The following TPMT variants were observed in gnomAD, a reference collection of about 807,000 sequenced individuals.
TPMT encodes the protein thiopurine S-methyltransferase, also known as S-adenosyl-L-methionine:thiopurine S-methyltransferase.
In TPMT, 18 loss-of-function variants were observed where a neutral mutation model predicts 34.2. That is an observed-to-expected ratio of 0.53 (90% confidence interval 0.36 to 0.78). TPMT has a LOEUF of 0.78. Ranked by LOEUF, TPMT falls within the 30% of genes least tolerant of loss-of-function variation. The pLI is 0.00. For missense variants in TPMT, 265 were observed against 288.1 expected, an observed-to-expected ratio of 0.92 and a Z score of 0.58; for synonymous variants, 69 against 92.4, an observed-to-expected ratio of 0.75 and a Z score of 1.45.
Position 18,139,178 on chromosome 6 carries a change from T to G in TPMT, c.420-141A>C. 2 of 794,376 alleles carry G rather than the reference T, an allele frequency of 2.5e-6. No homozygotes were observed. Among genetic ancestry groups the G allele is most frequent in the East Asian group, 2.5e-5 (1 of 39,350 alleles). 49.2% of individuals were successfully genotyped at this position (794,376 alleles called of 1,614,324 possible). A position where few individuals can be genotyped will look rare whatever the true frequency, so the allele number is the denominator to read the frequency against. ...ACGTCTGCGTTTCCTCCTAGAGGAA[T>G]GTGTGGACCTGGGTGTGGAGAGCTG... On this transcript the variant is annotated intron_variant, in intron 5 of 8. Transcript: ENST00000309983. The surrounding 1 kb of genome is among the most constrained non-coding windows in gnomAD (Gnocchi z 4.2).
Position 18,139,741 on chromosome 6 carries a change from A to G in TPMT, c.367-24T>C. On this transcript the variant is annotated intron_variant, in intron 4 of 8. Transcript: ENST00000309983. This position sits in a 1 kb window ranked among gnomAD's most constrained non-coding sequence, Gnocchi z 4.2. ...CTCTGTAATGAAATAATGAAAAAAA[A>G]ATTTTTTTTTTTTACTTAGTAAGTA... 7.1e-7 allele frequency: 1 copy of G among 1,408,418 alleles called. No individual in the cohort carries two copies. The highest frequency in any genetic ancestry group is 1.3e-5 in the South Asian group (1 of 79,168). The allele number at this position is 1,408,418 out of a possible 1,614,324, so 87.2% of individuals were successfully genotyped here. A position where few individuals can be genotyped will look rare whatever the true frequency, so the allele number is the denominator to read the frequency against.
In TPMT at chr6:18,132,008, C is replaced by T. The variant is rs1783954861; in HGVS notation, c.625+125G>A. ...GCCAGGCTGGTCTCGAACTCCTGGCCTCAGGTGATCTGCCCACCTTGGCCT... is the reference window on the plus strand; with the variant it reads ...GCCAGGCTGGTCTCGAACTCCTGGCTTCAGGTGATCTGCCCACCTTGGCCT... On this transcript the variant is annotated intron_variant, in intron 8 of 8. Transcript: ENST00000309983. The surrounding 1 kb of genome is among the most constrained non-coding windows in gnomAD (Gnocchi z 4.8). 6.3e-6 allele frequency: 6 copies of T among 956,190 alleles called. No homozygotes were observed. In the African/African-American group the frequency reaches 8.1e-5, roughly 13 times the overall value. 59.2% of individuals were successfully genotyped at this position (956,190 alleles called of 1,614,324 possible).
At chr6:18,133,974 A>G (rs1213979868) in intron 6 of TPMT, 85 bp from the exon 7 acceptor site, 13 of 1,084,522 alleles carry the variant, frequency 1.2e-5, no homozygotes, top group Non-Finnish European at 1.8e-5. Flanking sequence ...GGAAGCCAGA[A>G]GTTACTTTCG....
Position 18,139,685 on chromosome 6 carries a change from G to GC in TPMT, c.398dup (p.Cys133TrpfsTer5), listed in dbSNP as rs1276273082. The GC allele has an allele frequency of 6.2e-7, 1 of 1,613,312 alleles. No individual in the cohort carries two copies. The highest frequency in any genetic ancestry group is 1.7e-5 in the Admixed American group (1 of 59,942). Reference sequence around the variant, plus strand: ...CCTACCTGGGAAGATCAAAAATACTGCAACAGTACAATGAAATGTTCCCCG... The same window carrying GC: ...CCTACCTGGGAAGATCAAAAATACTGCCAACAGTACAATGAAATGTTCCCCG... On this transcript the variant is annotated frameshift_variant, in exon 5 of 9. Transcript: ENST00000309983. LOFTEE classifies it high-confidence loss of function. This position sits in a 1 kb window ranked among gnomAD's most constrained non-coding sequence, Gnocchi z 4.2.
chr6:18,139,737 A>C lies in TPMT; in HGVS notation c.367-20T>G. ...AGAACTCTGTAATGAAATAATGAAA[A>C]AAAAATTTTTTTTTTTTACTTAGTA... is the stretch of plus-strand genomic sequence containing the variant. On this transcript the variant is annotated intron_variant, in intron 4 of 8. Transcript: ENST00000309983. The surrounding 1 kb of genome is among the most constrained non-coding windows in gnomAD (Gnocchi z 4.2). The C allele has an allele frequency of 1.3e-6, 2 of 1,599,090 alleles. No homozygotes were observed. The highest frequency in any genetic ancestry group is 1.7e-5 in the Admixed American group (1 of 59,182).
Position 18,132,285 on chromosome 6 carries a change from CA to C in TPMT, c.581-109del. On this transcript the variant is annotated intron_variant, in intron 7 of 8. Coordinates refer to ENST00000309983, the MANE Select transcript of TPMT (RefSeq NM_000367.5). The surrounding 1 kb of genome is among the most constrained non-coding windows in gnomAD (Gnocchi z 4.8). ...AGGTGATGATGTGGCATGTTCTTCT[CA>C]TTCTTCTTTTGCAAATCTCATACTA... 1 of 1,094,374 alleles carries C rather than the reference CA, an allele frequency of 9.1e-7. No homozygotes were observed. Among genetic ancestry groups the C allele is most frequent in the Non-Finnish European group, 1.4e-6 (1 of 731,318 alleles). The allele number at this position is 1,094,374 out of a possible 1,614,324, so 67.8% of individuals were successfully genotyped here.
intron 6 of TPMT, among the ~76,000 whole-genome samples, chr6:18,137,825 G>A (rs9465104): frequency 0.02 from 3,117 of 152,128 alleles, 105 homozygotes; most frequent in African/African-American, 0.069. Flanking sequence ...CGCTCTTGTC[G>A]TCCAGGCTGG....
At position 18,139,805 on chromosome 6, in the gene TPMT, G is replaced by T. The variant is rs562790146; in HGVS notation, c.367-88C>A. 44 of 818,662 alleles carry T rather than the reference G, an allele frequency of 5.4e-5. 1 individual carries two copies. In the African/African-American group the frequency reaches 6.6e-4, roughly 12 times the overall value. 50.7% of individuals were successfully genotyped at this position (818,662 alleles called of 1,614,324 possible). On this transcript the variant is annotated intron_variant, in intron 4 of 8. Transcript: ENST00000309983. This position sits in a 1 kb window ranked among gnomAD's most constrained non-coding sequence, Gnocchi z 4.2. The stretch of plus-strand genomic sequence containing the variant: ...GGAAAGAGGGCCAAGCAAAGCAAAA[G>T]TTCTAGGGAAAGAATGTGTTAATTA...
chr6:18,134,785 T>C (rs1784012864), intron 6 of TPMT, among the ~76,000 whole-genome samples: 1 of 152,130 alleles, frequency 6.6e-6, no homozygotes. Flanking sequence ...TGAAGGCAAG[T>C]CAGCTATGTG....
Position 18,139,597 on chromosome 6 carries a change from A to T in TPMT, c.419+68T>A. The T allele has an allele frequency of 7.8e-7, 1 of 1,276,922 alleles. No homozygotes were observed. The highest frequency in any genetic ancestry group is 1.1e-6 in the Non-Finnish European group (1 of 875,742). The allele number at this position is 1,276,922 out of a possible 1,614,324, so 79.1% of individuals were successfully genotyped here. ...GGAAGAGAGTGAGGAAGACACCTCCACTCCCATGCCTGCACTGCCTGGCAA... is the reference window on the plus strand; with the variant it reads ...GGAAGAGAGTGAGGAAGACACCTCCTCTCCCATGCCTGCACTGCCTGGCAA... On this transcript the variant is annotated intron_variant, in intron 5 of 8. Coordinates refer to ENST00000309983, the MANE Select transcript of TPMT (RefSeq NM_000367.5). The surrounding 1 kb of genome is among the most constrained non-coding windows in gnomAD (Gnocchi z 4.2).
Position 18,143,707 on chromosome 6 carries a change from A to T in TPMT, c.255T>A (p.Ser85Arg). ...EMKWFADRGHSVVGVEISELG... is the reference protein window; with the variant it reads ...EMKWFADRGHRVVGVEISELG... Reference sequence around the variant, plus strand: ...GTTCACTGATTTCCACACCAACTACACTGTGTCCCCGGTCTGCAAACCTGC... The same window carrying T: ...GTTCACTGATTTCCACACCAACTACTCTGTGTCCCCGGTCTGCAAACCTGC... Residue 85 changes from serine to arginine, a missense_variant, in exon 4 of 9, where the codon AGT becomes AGA. Ser to Arg is a moderately radical substitution (Grantham distance 110, BLOSUM62 -1). Transcript: ENST00000309983. The surrounding 1 kb of genome is among the most constrained non-coding windows in gnomAD (Gnocchi z 6.1). 6.2e-7 allele frequency: 1 copy of T among 1,614,080 alleles called. No individual in the cohort carries two copies. Among genetic ancestry groups the T allele is most frequent in the Non-Finnish European group, 8.5e-7 (1 of 1,180,006 alleles).
At chr6:18,151,934 T>C (rs1276986147) in intron 1 of TPMT, among the ~76,000 whole-genome samples, 1 of 152,206 alleles carries the variant, frequency 6.6e-6, no homozygotes. Context: ...GTTTCCTGTA[T>C]ACTCCCATGC....
At chr6:18,141,159 A>G (rs890939256) in intron 4 of TPMT, among the ~76,000 whole-genome samples, 7 of 152,112 alleles carry the variant, frequency 4.6e-5, no homozygotes, top group Non-Finnish European at 8.8e-5. Flanking sequence ...TATAAGATCC[A>G]GAGATGATTT....
rs56245893 is a variant in TPMT at position 18,139,742 on chromosome 6, A to T, written c.367-25T>A. 22,614 of 590,594 alleles carry T rather than the reference A, an allele frequency of 0.038. 4 individuals carry two copies. Among genetic ancestry groups the T allele is most frequent in the Non-Finnish European group, 0.048 (18,993 of 395,462 alleles). 36.6% of individuals were successfully genotyped at this position (590,594 alleles called of 1,614,324 possible). On this transcript the variant is annotated intron_variant, in intron 4 of 8. Transcript: ENST00000309983. This position sits in a 1 kb window ranked among gnomAD's most constrained non-coding sequence, Gnocchi z 4.2. ...TCTGTAATGAAATAATGAAAAAAAAATTTTTTTTTTTTACTTAGTAAGTAC... is the reference window on the plus strand; with the variant it reads ...TCTGTAATGAAATAATGAAAAAAAATTTTTTTTTTTTTACTTAGTAAGTAC...
At position 18,153,087 on chromosome 6, in the gene TPMT, C is replaced by G. The variant is rs1387902428; in HGVS notation, c.-45+1946G>C. ...CCTCCTTTCATAAATATTCATGAGT[C>G]ATCCTACAGCTTACTGAATATGTAT... is the stretch of plus-strand genomic sequence containing the variant. On this transcript the variant is annotated intron_variant, in intron 1 of 8. Transcript: ENST00000309983. This position sits in a 1 kb window ranked among gnomAD's most constrained non-coding sequence, Gnocchi z 4.2. 6.6e-6 allele frequency among the ~76,000 whole-genome samples: 1 copy of G among 152,204 alleles called. No homozygotes were observed. The highest frequency in any genetic ancestry group is 1.5e-5 in the Non-Finnish European group (1 of 68,036).
intron 7 of TPMT, among the ~76,000 whole-genome samples, chr6:18,133,042 G>A (rs748485280): frequency 4.9e-4 from 75 of 152,114 alleles, no homozygotes; most frequent in Admixed American, 1.1e-3. Flanking sequence ...GCAGTGAGCC[G>A]AGATGAAACC....
chr6:18,148,873 G>T lies in TPMT; in HGVS notation c.140+115C>A. ...TGTGACTCGGGAGACACAAAAATGT[G>T]AAGAATTAAATGTGCATCCTAAAAG... On this transcript the variant is annotated intron_variant, in intron 2 of 8. Transcript: ENST00000309983. This position sits in a 1 kb window ranked among gnomAD's most constrained non-coding sequence, Gnocchi z 4.1. The T allele has an allele frequency of 6.7e-7, 1 of 1,493,780 alleles. No homozygotes were observed. Among genetic ancestry groups the T allele is most frequent in the Non-Finnish European group, 9.3e-7 (1 of 1,080,730 alleles). The allele number at this position is 1,493,780 out of a possible 1,614,324, so 92.5% of individuals were successfully genotyped here. A position where few individuals can be genotyped will look rare whatever the true frequency, so the allele number is the denominator to read the frequency against.
chr6:18,143,614 A>G lies in TPMT; in HGVS notation c.348T>C (p.Pro116=), dbSNP rs1784188911. The change falls in exon 4 of 9, where the codon CCT becomes CCC. Residue 116 remains proline (P), a synonymous_variant. Coordinates refer to ENST00000309983, the MANE Select transcript of TPMT (RefSeq NM_000367.5). This position sits in a 1 kb window ranked among gnomAD's most constrained non-coding sequence, Gnocchi z 6.1. ...SYSEEPITEI[P]GTKVFKSSSG... ...AACAAACCTTAAATACTTTGGTTCC[A>G]GGAATTTCGGTGATTGGTTCTTCTG... is the stretch of plus-strand genomic sequence containing the variant. The G allele has an allele frequency of 2.5e-6, 4 of 1,612,926 alleles. No individual in the cohort carries two copies. In the East Asian group the frequency reaches 6.7e-5, roughly 27 times the overall value.
rs183536390 is a variant in TPMT at position 18,154,951 on chromosome 6, T to A, written c.-45+82A>T. 171 of 152,426 alleles carry A rather than the reference T, an allele frequency of 1.1e-3. 1 individual carries two copies. The highest frequency in any genetic ancestry group is 3.8e-3 in the African/African-American group (158 of 41,566). 9.4% of individuals were successfully genotyped at this position (152,426 alleles called of 1,614,324 possible). ...GGCTGTCTACGCTTGTAAGAATTCC[T>A]GGGAGCCCTAGCACGGGCGCATACA... On this transcript the variant is annotated intron_variant, in intron 1 of 8. Coordinates refer to ENST00000309983, the MANE Select transcript of TPMT (RefSeq NM_000367.5). The surrounding 1 kb of genome is among the most constrained non-coding windows in gnomAD (Gnocchi z 4.2).
Sources: gnomAD v4.1 joint callset for allele counts (sites outside exome capture counted in the v4.1 genomes callset) on GRCh38, gnomAD v4.1.1 for gene constraint, Gnocchi (gnomAD v3.1) non-coding constraint, MANE v1.5 for transcripts, NCBI Gene and HGNC (gene_info 2026-07-23, HGNC 2026-07-21) for gene names.